Variants in RALGAPA1 observed in about 807,000 individuals in gnomAD.
RALGAPA1 encodes the protein ral GTPase-activating protein subunit alpha-1.
RALGAPA1 carries 52 observed loss-of-function variants against 269.6 expected under a neutral mutation model. The ratio of observed to expected loss-of-function variants is 0.19; its 90% CI spans 0.15 to 0.24. The LOEUF (loss-of-function observed/expected upper bound fraction) is 0.24, where lower values mean the gene tolerates loss of function less well. RALGAPA1 is among the 10% of genes least tolerant of loss of function. The probability of loss-of-function intolerance (pLI) is 1.00; values close to 1 mark genes in which losing one functional copy is unlikely to be tolerated. For missense variants in RALGAPA1, 1,917 were observed against 3,013.9 expected, an observed-to-expected ratio of 0.64 and a Z score of 8.52; for synonymous variants, 817 against 1,008.3, an observed-to-expected ratio of 0.81 and a Z score of 3.60.
rs1455480731 is a variant in RALGAPA1 at position 35,808,878 on chromosome 14, C to T, written c.-43G>A. 3.8e-6 allele frequency: 6 copies of T among 1,586,076 alleles called. No homozygotes were observed. Among genetic ancestry groups the T allele is most frequent in the South Asian group, 1.1e-5 (1 of 88,034 alleles). ...CACTGCCACTGCCACAGCCGGCTCCCAGCCGGGTCCCGGCGGCAGAAAGTG... is the reference window on the plus strand; with the variant it reads ...CACTGCCACTGCCACAGCCGGCTCCTAGCCGGGTCCCGGCGGCAGAAAGTG... On this transcript the variant is annotated 5_prime_UTR_variant, in exon 1 of 42. Coordinates refer to ENST00000680220, the MANE Select transcript of RALGAPA1 (RefSeq NM_001346249.2).
intron 16 of RALGAPA1, among the ~76,000 whole-genome samples, chr14:35,701,555 C>T (rs527444658): frequency 9.9e-5 from 15 of 152,252 alleles, no homozygotes; most frequent in African/African-American, 3.6e-4. Context: ...CACATCATGA[C>T]TTTGTATGTT....
At chr14:35,727,341 A>G (rs898899045) in intron 13 of RALGAPA1, among the ~76,000 whole-genome samples, 1 of 143,376 alleles carries the variant, frequency 7.0e-6, no homozygotes, top group Non-Finnish European at 1.5e-5. Context: ...ATATATATAT[A>G]TATATAGTAT....
intron 41 of RALGAPA1, among the ~76,000 whole-genome samples, chr14:35,546,959 C>G (rs1486185837): frequency 6.6e-6 from 1 of 151,984 alleles, no homozygotes; most frequent in Non-Finnish European, 1.5e-5. Context: ...TTGTGTTGAA[C>G]TGAGAACCAC....
chr14:35,593,997 AC>A (rs1429502822), intron 37 of RALGAPA1, among the ~76,000 whole-genome samples: 85 of 152,246 alleles, frequency 5.6e-4, no homozygotes, highest in Non-Finnish European at 5.9e-5. Flanking sequence ...TATACAGTAA[AC>A]TAATTTTTCA....
intron 17 of RALGAPA1, among the ~76,000 whole-genome samples, chr14:35,693,558 T>C (rs117567179): frequency 3.7e-3 from 562 of 152,062 alleles, no homozygotes; most frequent in Admixed American, 6.0e-3. Context: ...CGATCACCCA[T>C]GTTCAGAGAA....
chr14:35,788,833 C>T (rs1254157132), intron 1 of RALGAPA1, among the ~76,000 whole-genome samples: 1 of 152,040 alleles, frequency 6.6e-6, no homozygotes, highest in South Asian at 2.1e-4. Context: ...TTAAGACAAC[C>T]CAAGGAATGC....
chr14:35,665,926 G>T (rs914978040), intron 26 of RALGAPA1, among the ~76,000 whole-genome samples: 1 of 151,954 alleles, frequency 6.6e-6, no homozygotes, highest in Non-Finnish European at 1.5e-5. Context: ...TTAAGGAGGT[G>T]GGGGGCAGAC....
intron 35 of RALGAPA1, among the ~76,000 whole-genome samples, chr14:35,620,253 C>G (rs1386566474): frequency 6.6e-6 from 1 of 152,076 alleles, no homozygotes; most frequent in East Asian, 1.9e-4. Flanking sequence ...GAACCAATGA[C>G]AAAAACCACA....
intron 37 of RALGAPA1, among the ~76,000 whole-genome samples, chr14:35,585,684 C>T (rs184021649): frequency 1.3e-5 from 2 of 152,040 alleles, no homozygotes; most frequent in African/African-American, 4.8e-5. Flanking sequence ...AGCCAGTTTC[C>T]CCAGCACCAT....
At chr14:35,741,671 C>T (rs1435737226) in intron 11 of RALGAPA1, among the ~76,000 whole-genome samples, 2 of 152,166 alleles carry the variant, frequency 1.3e-5, no homozygotes, top group African/African-American at 2.4e-5. Flanking sequence ...GCAAATCAGA[C>T]AAAACAGATA....
intron 17 of RALGAPA1, among the ~76,000 whole-genome samples, chr14:35,698,714 A>G (rs1430340756): frequency 1.3e-5 from 2 of 152,190 alleles, no homozygotes; most frequent in Non-Finnish European, 2.9e-5. Context: ...AGAGAAGTTT[A>G]CAACAAACTC....
intron 31 of RALGAPA1, among the ~76,000 whole-genome samples, chr14:35,641,384 C>G (rs1048888024): frequency 1.3e-5 from 2 of 151,964 alleles, no homozygotes; most frequent in Non-Finnish European, 2.9e-5. Flanking sequence ...TGATAAACAA[C>G]GTCAAATTCA....
intron 37 of RALGAPA1, among the ~76,000 whole-genome samples, chr14:35,574,512 T>G (rs879500697): frequency 6.6e-6 from 1 of 152,190 alleles, no homozygotes; most frequent in African/African-American, 2.4e-5. Flanking sequence ...AGCGAAAAGC[T>G]TCATGAAATC....
intron 16 of RALGAPA1, 32 bp from the exon 17 acceptor site, chr14:35,700,334 G>GAAAAA: frequency 6.8e-7 from 1 of 1,468,738 alleles, no homozygotes; most frequent in Non-Finnish European, 8.9e-7. Context: ...AAGTGGGGAA[G>GAAAAA]GAAAAAAGAA....
intron 1 of RALGAPA1, among the ~76,000 whole-genome samples, chr14:35,801,443 T>TTTTTAGTTCA (rs1386635675): frequency 6.6e-6 from 1 of 152,130 alleles, no homozygotes; most frequent in Non-Finnish European, 1.5e-5. Context: ...TACTTTTGTA[T>TTTTTAGTTCA]TTTTAGTTCA....
chr14:35,727,372 G>T (rs2070058694), intron 13 of RALGAPA1, among the ~76,000 whole-genome samples: 1 of 146,656 alleles, frequency 6.8e-6, no homozygotes, highest in African/African-American at 2.5e-5. Context: ...AACTGTGTGT[G>T]TGGTTTGATG....
In RALGAPA1 at chr14:35,808,796, T is replaced by C. The variant is rs2077555149; in HGVS notation, c.40A>G (p.Thr14Ala). 3.7e-6 allele frequency: 6 copies of C among 1,612,922 alleles called. No individual in the cohort carries two copies. The highest frequency in any genetic ancestry group is 5.1e-6 in the Non-Finnish European group (6 of 1,179,682). ...TTCTTGGTGTCTAGCACCTTCTGGG[T>C]GGACTTCTTCACGTCCCCGTGCGGC... ...KKPHGDVKKS[T>A]QKVLDTKKDA... Residue 14 changes from threonine (T) to alanine (A), a missense_variant, in exon 1 of 42, where the codon ACC (threonine) becomes GCC (alanine). Thr to Ala is a moderately conservative substitution (Grantham distance 58). Around this residue, in one of 11 missense-constraint regions of RALGAPA1, gnomAD observed 462 missense variants for 725.6 expected, o/e 0.64. Transcript: ENST00000680220.
At chr14:35,664,946 GTTA>G (rs1366244666) in intron 26 of RALGAPA1, among the ~76,000 whole-genome samples, 179 bp from the exon 27 acceptor site, 3 of 152,118 alleles carry the variant, frequency 2.0e-5, no homozygotes, top group African/African-American at 7.2e-5. Context: ...ATAAACTACT[GTTA>G]TTGTTAATAA....
chr14:35,736,792 T>C (rs1247497343), intron 12 of RALGAPA1, among the ~76,000 whole-genome samples: 1 of 152,110 alleles, frequency 6.6e-6, no homozygotes, highest in Non-Finnish European at 1.5e-5. Context: ...TCCCAACACT[T>C]TGGGAGGCTG....
Sources: allele counts gnomAD v4.1 joint callset (sites outside exome capture counted in the v4.1 genomes callset), GRCh38; gene constraint gnomAD v4.1.1; regional missense constraint gnomAD v4.1.1; transcripts MANE v1.5; gene names NCBI Gene and HGNC (gene_info 2026-07-23, HGNC 2026-07-21).